The following ABHD6 variants were observed in gnomAD, a reference collection of about 807,000 sequenced individuals.
ABHD6 encodes monoacylglycerol lipase ABHD6.
In ABHD6, 33 loss-of-function variants were observed where a neutral mutation model predicts 38.8. The observed-to-expected ratio is 0.85, with a 90% confidence interval of 0.64 to 1.14. ABHD6 has a LOEUF of 1.14. Among genes scored for constraint, ABHD6 ranks in the 50% most tolerant of loss-of-function variants. ABHD6 has a pLI of 0.00. For synonymous variants in ABHD6, 147 were observed against 161.6 expected, an observed-to-expected ratio of 0.91 and a Z score of 0.69; for missense variants, 380 against 422.6, an observed-to-expected ratio of 0.90 and a Z score of 0.88.
intron 7 of ABHD6, among the ~76,000 whole-genome samples, chr3:58,284,101 G>C (rs2097455272): frequency 1.3e-5 from 2 of 152,162 alleles, no homozygotes; most frequent in Non-Finnish European, 2.9e-5. Context: ...TGTGAACCCT[G>C]TACTCTACCT....
intron 1 of ABHD6, among the ~76,000 whole-genome samples, chr3:58,239,565 C>T (rs1310478231): frequency 1.3e-5 from 2 of 152,142 alleles, no homozygotes; most frequent in African/African-American, 2.4e-5. Context: ...CTGTGGCTTT[C>T]GTCAACTCCA....
At chr3:58,260,926 TAA>T (rs761787253) in intron 3 of ABHD6, among the ~76,000 whole-genome samples, 31 of 152,194 alleles carry the variant, frequency 2.0e-4, no homozygotes, top group Non-Finnish European at 4.0e-4. Context: ...TCTCTGGGTC[TAA>T]GTGTCCCTGG....
chr3:58,270,859 C>T, intron 5 of ABHD6, 73 bp from the exon 6 acceptor site: 1 of 1,477,366 alleles, frequency 6.8e-7, no homozygotes, highest in Non-Finnish European at 9.0e-7. Flanking sequence ...GTCCAGGGGG[C>T]TTCTATGCTG....
chr3:58,246,336 T>C (rs2097426371), intron 1 of ABHD6, among the ~76,000 whole-genome samples: 1 of 152,234 alleles, frequency 6.6e-6, no homozygotes, highest in African/African-American at 2.4e-5. Flanking sequence ...AGTGTATGTG[T>C]GACATGTTTC....
Position 58,286,850 on chromosome 3 carries a change from G to GTATATATATATATATATATATATA in ABHD6, c.837+1398_837+1399insATATATATATATATATATATATAT, listed in dbSNP as rs1221165191. Among the ~76,000 whole-genome samples, 64 of 72,822 alleles carry GTATATATATATATATATATATATA rather than the reference G, an allele frequency of 8.8e-4. 1 individual carries two copies. Among genetic ancestry groups the GTATATATATATATATATATATATA allele is most frequent in the East Asian group, 2.5e-3 (2 of 816 alleles). 47.8% of individuals were successfully genotyped at this position (72,822 alleles called of 152,430 possible). On this transcript the variant is annotated intron_variant, in intron 9 of 9. Transcript: ENST00000478253. ...TGTGTGTGTGTGTGTGTGTGTGTGT[G>GTATATATATATATATATATATATA]TGTATATATATATATATATGTATAT...
intron 7 of ABHD6, among the ~76,000 whole-genome samples, chr3:58,282,014 C>T (rs2097453656): frequency 6.6e-6 from 1 of 152,126 alleles, no homozygotes. Context: ...AATGAATGTA[C>T]AAGCACTTAT....
intron 1 of ABHD6, among the ~76,000 whole-genome samples, chr3:58,244,077 G>A (rs1034525827): frequency 2.0e-5 from 3 of 152,188 alleles, no homozygotes; most frequent in Admixed American, 6.5e-5. Context: ...CAGGCTCCAG[G>A]AGCATCCATA....
rs2107454266 is a variant in ABHD6, at chr3:58,269,792, G to A, written c.390+358G>A. Among the ~76,000 whole-genome samples, 1 of 152,268 alleles carries A rather than the reference G, an allele frequency of 6.6e-6. No individual in the cohort carries two copies. Among genetic ancestry groups the A allele is most frequent in the East Asian group, 1.9e-4 (1 of 5,184 alleles). Reference sequence around the variant, plus strand: ...CAGTAATAGCCCCTCTGCCTAGCTGGGGAGGGTGTTCTTCACATTATAACG... The same window carrying A: ...CAGTAATAGCCCCTCTGCCTAGCTGAGGAGGGTGTTCTTCACATTATAACG... On this transcript the variant is annotated intron_variant, in intron 5 of 9. Coordinates refer to ENST00000478253, the MANE Select transcript of ABHD6 (RefSeq NM_001320126.2). The surrounding 1 kb of genome is among the most constrained non-coding windows in gnomAD (Gnocchi z 4.4).
In ABHD6 at chr3:58,274,683, A is replaced by T; in HGVS notation, c.549A>T (p.Gln183His). 1 of 1,614,236 alleles carries T rather than the reference A, an allele frequency of 6.2e-7. No individual in the cohort carries two copies. Among genetic ancestry groups the T allele is most frequent in the Non-Finnish European group, 8.5e-7 (1 of 1,180,036 alleles). The change falls in exon 7 of 10, where the codon CAA becomes CAT. Residue 183 changes from glutamine to histidine, a missense_variant. Gln to His is a conservative substitution (Grantham distance 24, BLOSUM62 0). Coordinates refer to ENST00000478253, the MANE Select transcript of ABHD6 (RefSeq NM_001320126.2). ...PAGLQYSTDN[Q>H]FVQRLKELQG... ...GCCTGCAGTACTCAACTGACAATCA[A>T]TTTGTACAACGGCTCAAAGAACTGC...
At chr3:58,288,088 G>A (rs4681674) in intron 9 of ABHD6, among the ~76,000 whole-genome samples, 119,203 of 152,104 alleles carry the variant, frequency 0.78, 47,433 homozygotes, top group East Asian at 1. Context: ...TGCTATAAAT[G>A]TGATCAGATC....
At chr3:58,243,277 A>C (rs2097424096) in intron 1 of ABHD6, among the ~76,000 whole-genome samples, 1 of 152,186 alleles carries the variant, frequency 6.6e-6, no homozygotes. Flanking sequence ...TCTAGTTCTC[A>C]ATCCTTGAGG....
At position 58,259,613 on chromosome 3, in the gene ABHD6, G is replaced by A. The variant is rs528598903; in HGVS notation, c.119+2908G>A. ...GAAGAATCGCTTGAACCCAGGAAGC[G>A]GAGGTTGCAGTGAGCCGAGATCGTG... On this transcript the variant is annotated intron_variant, in intron 3 of 9. Transcript: ENST00000478253. This position sits in a 1 kb window ranked among gnomAD's most constrained non-coding sequence, Gnocchi z 4.7. Among the ~76,000 whole-genome samples the A allele has an allele frequency of 3.9e-5, 6 of 152,264 alleles. No individual in the cohort carries two copies. In the South Asian group the frequency reaches 6.2e-4, roughly 16 times the overall value.
intron 7 of ABHD6, among the ~76,000 whole-genome samples, chr3:58,284,201 T>G (rs1406532179): frequency 1.3e-5 from 2 of 152,164 alleles, no homozygotes; most frequent in Non-Finnish European, 2.9e-5. Context: ...CCAGAAGATG[T>G]GGCCTGTCCA....
At chr3:58,243,079 C>T (rs1224704482) in intron 1 of ABHD6, among the ~76,000 whole-genome samples, 1 of 152,118 alleles carries the variant, frequency 6.6e-6, no homozygotes, top group Non-Finnish European at 1.5e-5. Context: ...GCATAGTATT[C>T]CATGGTGTAT....
chr3:58,264,434 C>T (rs9841948), intron 3 of ABHD6, among the ~76,000 whole-genome samples: 1 of 128,616 alleles, frequency 7.8e-6, no homozygotes, highest in African/African-American at 3.2e-5. Context: ...CACACACACA[C>T]ACACACACAC....
intron 2 of ABHD6, among the ~76,000 whole-genome samples, chr3:58,250,314 G>T (rs1042713515): frequency 1.3e-5 from 2 of 152,176 alleles, no homozygotes; most frequent in Non-Finnish European, 2.9e-5. Context: ...TCTACACCAA[G>T]GGGTCAGCAG....
chr3:58,290,492 G>C (rs1248048357), intron 9 of ABHD6, among the ~76,000 whole-genome samples: 2 of 129,992 alleles, frequency 1.5e-5, no homozygotes, highest in Non-Finnish European at 3.3e-5. Flanking sequence ...CCTCCCTCCC[G>C]GACGGGGCGG....
At position 58,256,580 on chromosome 3, in the gene ABHD6, G is replaced by A. The variant is rs1233630295; in HGVS notation, c.-7G>A. On this transcript the variant is annotated 5_prime_UTR_variant, in exon 3 of 10. Transcript: ENST00000478253. The surrounding 1 kb of genome is among the most constrained non-coding windows in gnomAD (Gnocchi z 4.3). ...CCTGCAGGAGTCAGCCAGCCTGAAA[G>A]AGCAGGATGGATCTTGATGTGGTTA... The A allele has an allele frequency of 6.2e-7, 1 of 1,607,086 alleles. No homozygotes were observed. Among genetic ancestry groups the A allele is most frequent in the Admixed American group, 1.7e-5 (1 of 59,870 alleles).
intron 6 of ABHD6, among the ~76,000 whole-genome samples, chr3:58,271,772 T>G (rs1217727075): frequency 3.8e-5 from 5 of 133,120 alleles, no homozygotes; most frequent in Non-Finnish European, 4.8e-5. Context: ...CTCTGTTTTT[T>G]TTTTTTTTTT....
Sources: allele counts gnomAD v4.1 joint callset (sites outside exome capture counted in the v4.1 genomes callset), GRCh38; gene constraint gnomAD v4.1.1; non-coding constraint Gnocchi (gnomAD v3.1); transcripts MANE v1.5; gene names NCBI Gene and HGNC (gene_info 2026-07-23, HGNC 2026-07-21).